The following APP variants were observed in gnomAD, a reference collection of about 807,000 sequenced individuals.
The protein encoded by APP is amyloid beta precursor protein.
In APP, 31 loss-of-function variants were observed where a neutral mutation model predicts 101.4. The observed-to-expected ratio is 0.31, with a 90% CI of 0.23 to 0.41. The LOEUF (loss-of-function observed/expected upper bound fraction) is 0.41. Ranked by LOEUF, APP falls within the 10% of genes least tolerant of loss-of-function variation. APP has a pLI of 1.00. For synonymous variants in APP, 366 were observed against 364.4 expected (o/e 1.00, Z -0.05); for missense variants, 839 against 1,003.7 (o/e 0.84, Z 2.22).
At position 25,955,795 on chromosome 21, in the gene APP, C is replaced by CA. The variant is rs539583501; in HGVS notation, c.1459-41dup. 125 of 1,613,472 alleles carry CA rather than the reference C, an allele frequency of 7.7e-5. 1 individual carries two copies. The African/African-American group carries it at 1.2e-3, about 16-fold the overall frequency. On this transcript the variant is annotated intron_variant, in intron 11 of 17. Coordinates refer to ENST00000346798, the MANE Select transcript of APP (RefSeq NM_000484.4). ...TGAAAAACTCTTTTTCAAGTTTGTG[C>CA]AAAACACTGCTTCTTCCATTGGCGA...
intron 14 of APP, among the ~76,000 whole-genome samples, chr21:25,909,581 ATG>A (rs1190302892): frequency 6.6e-6 from 1 of 151,780 alleles, no homozygotes; most frequent in Non-Finnish European, 1.5e-5. Context: ...TTCACAGTGT[ATG>A]TGTGTGTGTG....
intron 3 of APP, among the ~76,000 whole-genome samples, chr21:26,079,044 C>CAAAAA (rs34285555): frequency 3.2e-4 from 37 of 114,422 alleles, no homozygotes; most frequent in Admixed American, 1.1e-3. Context: ...AACTCCATCT[C>CAAAAA]AAAAAAAAAA....
At chr21:25,982,247 T>A in intron 9 of APP, 97 bp downstream of exon 9, 1 of 1,340,658 alleles carries the variant, frequency 7.5e-7, no homozygotes, top group South Asian at 1.2e-5. Context: ...TCTTTAAAGA[T>A]CTTGATAAAG....
At chr21:26,083,239 T>C (rs759811786) in intron 3 of APP, among the ~76,000 whole-genome samples, 12 of 152,192 alleles carry the variant, frequency 7.9e-5, no homozygotes, top group Non-Finnish European at 1.5e-4. Context: ...AGGATGTTTA[T>C]CACAGCATCA....
intron 13 of APP, among the ~76,000 whole-genome samples, chr21:25,920,190 C>T (rs1231661137): frequency 6.6e-6 from 1 of 151,498 alleles, no homozygotes; most frequent in Non-Finnish European, 1.5e-5. Context: ...GAGATTTTGT[C>T]ACCACCAGGC....
rs917482541 is a variant in APP, at chr21:26,055,857, G to A, written c.356-2509C>T. Among the ~76,000 whole-genome samples the A allele has an allele frequency of 5.1e-5, 7 of 137,716 alleles. No homozygotes were observed. The South Asian group carries it at 7.6e-4, about 15-fold the overall frequency. 90.3% of individuals were successfully genotyped at this position (137,716 alleles called of 152,430 possible). On this transcript the variant is annotated intron_variant, in intron 3 of 17. Transcript: ENST00000346798. ...GCCAGAGCAGGTATCAGATACACTC[G>A]ACCTTGGCCTGCAAGAGTTCTTGGG...
At chr21:25,967,944 CA>C (rs1028903440) in intron 11 of APP, among the ~76,000 whole-genome samples, 4 of 152,214 alleles carry the variant, frequency 2.6e-5, no homozygotes, top group African/African-American at 9.6e-5. Flanking sequence ...TTAATTCTTC[CA>C]GGGGGAAAAA....
At chr21:25,913,691 C>G (rs778788882) in intron 13 of APP, among the ~76,000 whole-genome samples, 8 of 152,226 alleles carry the variant, frequency 5.3e-5, no homozygotes, top group Non-Finnish European at 1.2e-4. Flanking sequence ...TCTGTGGTAT[C>G]TACTATCACT....
intron 1 of APP, among the ~76,000 whole-genome samples, chr21:26,113,195 C>T (rs963514250): frequency 2.0e-5 from 3 of 152,132 alleles, no homozygotes; most frequent in African/African-American, 7.2e-5. Context: ...AAATGTGAGA[C>T]ACCCATGCCA....
chr21:26,131,229 C>CA (rs1474682014), intron 1 of APP, among the ~76,000 whole-genome samples: 6 of 149,334 alleles, frequency 4.0e-5, no homozygotes, highest in African/African-American at 1.5e-4. Flanking sequence ...AACGCCACCT[C>CA]AAAAAATAAA....
chr21:25,996,804 G>A (rs1471520280), intron 8 of APP, among the ~76,000 whole-genome samples: 1 of 152,194 alleles, frequency 6.6e-6, no homozygotes, highest in Non-Finnish European at 1.5e-5. Flanking sequence ...TTTGGAACAA[G>A]TCCTGTATAG....
chr21:26,047,854 G>A (rs985741154), intron 5 of APP, among the ~76,000 whole-genome samples: 1 of 152,124 alleles, frequency 6.6e-6, no homozygotes, highest in Non-Finnish European at 1.5e-5. Flanking sequence ...GTTAAAAGAA[G>A]TGTTAAGACT....
chr21:25,965,692 G>A (rs2041769982), intron 11 of APP, among the ~76,000 whole-genome samples: 1 of 152,192 alleles, frequency 6.6e-6, no homozygotes, highest in Non-Finnish European at 1.5e-5. Context: ...GTTTGCGTGT[G>A]TATGCGTACA....
intron 5 of APP, among the ~76,000 whole-genome samples, chr21:26,044,410 A>C (rs950488456): frequency 6.6e-6 from 1 of 152,254 alleles, no homozygotes; most frequent in Non-Finnish European, 1.5e-5. Context: ...GCATTTTACC[A>C]ATTAGATAAA....
chr21:26,086,115 T>C (rs533161377), intron 3 of APP, among the ~76,000 whole-genome samples: 4 of 152,320 alleles, frequency 2.6e-5, no homozygotes, highest in African/African-American at 7.2e-5. Flanking sequence ...AGAGCAGTCA[T>C]TCAAATGGAA....
At chr21:25,940,606 C>T (rs1601464480) in intron 13 of APP, among the ~76,000 whole-genome samples, 1 of 152,116 alleles carries the variant, frequency 6.6e-6, no homozygotes, top group Middle Eastern at 3.4e-3. Flanking sequence ...CTATGAATTG[C>T]AGCTGTTAAA....
chr21:26,043,368 G>A (rs2045462608), intron 5 of APP, among the ~76,000 whole-genome samples: 1 of 152,106 alleles, frequency 6.6e-6, no homozygotes, highest in Non-Finnish European at 1.5e-5. Context: ...CAGTAGCTGG[G>A]ATTACAGGCA....
At chr21:26,118,733 T>C (rs1209230278) in intron 1 of APP, among the ~76,000 whole-genome samples, 2 of 152,042 alleles carry the variant, frequency 1.3e-5, no homozygotes, top group Non-Finnish European at 2.9e-5. Flanking sequence ...TTGTATTTTT[T>C]AGTAGAGACG....
intron 5 of APP, among the ~76,000 whole-genome samples, chr21:26,050,717 C>T (rs1340001763): frequency 1.3e-5 from 2 of 152,146 alleles, no homozygotes; most frequent in Admixed American, 1.3e-4. Flanking sequence ...ATTATTTCAA[C>T]TCCCTGTTAG....
Sources: allele counts gnomAD v4.1 joint callset (sites outside exome capture counted in the v4.1 genomes callset), GRCh38; gene constraint gnomAD v4.1.1; transcripts MANE v1.5; gene names NCBI Gene and HGNC (gene_info 2026-07-23, HGNC 2026-07-21).